Variants in GRAMD4 observed in about 807,000 individuals in gnomAD.
GRAMD4 encodes the protein GRAM domain-containing protein 4.
In GRAMD4, 25 loss-of-function variants were observed where a neutral mutation model predicts 83.9. The observed-to-expected ratio is 0.30, with a 90% CI of 0.22 to 0.42. The LOEUF is 0.42. GRAMD4 is among the 10% of genes least tolerant of loss of function. GRAMD4 has a pLI of 1.00. For synonymous variants in GRAMD4, 336 were observed against 320.9 expected, an observed-to-expected ratio of 1.05 and a Z score of -0.50; for missense variants, 593 against 788.7, an observed-to-expected ratio of 0.75 and a Z score of 2.97.
intron 3 of GRAMD4, among the ~76,000 whole-genome samples, chr22:46,647,378 G>A (rs1385658797): frequency 6.6e-6 from 1 of 152,196 alleles, no homozygotes; most frequent in African/African-American, 2.4e-5. Flanking sequence ...GTTTGGCCCT[G>A]GGATACTTCA....
At chr22:46,636,411 G>A (rs758536423) in intron 2 of GRAMD4, among the ~76,000 whole-genome samples, 2 of 152,238 alleles carry the variant, frequency 1.3e-5, no homozygotes, top group Admixed American at 1.3e-4. Flanking sequence ...CCCCAGCAGC[G>A]AGAGCAGCTG....
At chr22:46,682,545 C>T (rs1226017380), downstream of GRAMD4, 1 of 477,128 alleles carries the variant, frequency 2.1e-6, no homozygotes, top group Non-Finnish European at 2.7e-6. Flanking sequence ...GGCGCCCGCC[C>T]AGTGACGGCC....
intron 2 of GRAMD4, among the ~76,000 whole-genome samples, chr22:46,629,341 G>A (rs959446354): frequency 3.3e-5 from 5 of 152,222 alleles, no homozygotes; most frequent in South Asian, 2.1e-4. Context: ...TGAAACGTAC[G>A]TGGCTGGCGT....
chr22:46,664,269 G>A (rs1004398167), intron 8 of GRAMD4, 152 bp downstream of exon 8: 2 of 668,148 alleles, frequency 3.0e-6, no homozygotes, highest in African/African-American at 1.8e-5. Context: ...TCTGTAAAGT[G>A]GGCTCACTGA....
In GRAMD4 at chr22:46,622,622, G is replaced by C. The variant is rs996248236; in HGVS notation, c.-50+2057G>C. ...GCCACGGAGCTGCACGCTAAAAACT[G>C]GTGAAGTTGGGCTGAGCACGGCGGC... On this transcript the variant is annotated intron_variant, in intron 1 of 18. Transcript: ENST00000406902. This position sits in a 1 kb window ranked among gnomAD's most constrained non-coding sequence, Gnocchi z 4.0. Among the ~76,000 whole-genome samples, 1 of 152,230 alleles carries C rather than the reference G, an allele frequency of 6.6e-6. No homozygotes were observed.
upstream of GRAMD4, among the ~76,000 whole-genome samples, chr22:46,615,595 CCG>C (rs2147109445): frequency 1.7e-5 from 2 of 116,786 alleles, no homozygotes; most frequent in East Asian, 2.8e-4. Flanking sequence ...GTAGGTTCCC[CCG>C]TGTGTAGGTT....
intron 1 of GRAMD4, among the ~76,000 whole-genome samples, chr22:46,609,888 G>A (rs1377272096): frequency 2.6e-5 from 4 of 152,206 alleles, no homozygotes; most frequent in Non-Finnish European, 4.4e-5. Context: ...GGGGCGGCCC[G>A]GCTGCTGGTA....
chr22:46,623,784 C>A (rs1435873555), intron 1 of GRAMD4, among the ~76,000 whole-genome samples: 1 of 133,366 alleles, frequency 7.5e-6, no homozygotes, highest in Non-Finnish European at 1.6e-5. Flanking sequence ...GTCAAGCTGC[C>A]TTTTTTTTTT....
intron 3 of GRAMD4, among the ~76,000 whole-genome samples, chr22:46,644,235 C>T (rs2082031885): frequency 6.6e-6 from 1 of 152,184 alleles, no homozygotes; most frequent in Non-Finnish European, 1.5e-5. Context: ...TGTCCCTGTT[C>T]CGTGTTACAA....
chr22:46,590,470 G>A (rs2081195885), intron 1 of GRAMD4, among the ~76,000 whole-genome samples: 2 of 152,252 alleles, frequency 1.3e-5, no homozygotes, highest in African/African-American at 4.8e-5. Flanking sequence ...GCGTCCCAAG[G>A]AGGAGGTGAC....
chr22:46,646,816 G>A (rs1224639785), intron 3 of GRAMD4, among the ~76,000 whole-genome samples: 4 of 152,338 alleles, frequency 2.6e-5, no homozygotes, highest in Admixed American at 6.5e-5. Context: ...AAACAAAAGC[G>A]GTTTAATGGA....
At chr22:46,648,903 G>C (rs867508852) in intron 3 of GRAMD4, among the ~76,000 whole-genome samples, 81 of 130,754 alleles carry the variant, frequency 6.2e-4, no homozygotes, top group Non-Finnish European at 8.2e-4. Flanking sequence ...TGGATGCATG[G>C]ATGGATGGAT....
At chr22:46,607,936 C>T (rs1031719852) in intron 1 of GRAMD4, among the ~76,000 whole-genome samples, 2 of 152,176 alleles carry the variant, frequency 1.3e-5, no homozygotes, top group Non-Finnish European at 1.5e-5. Context: ...GGGCTGGTGC[C>T]GGCTGCCCCC....
intron 1 of GRAMD4, among the ~76,000 whole-genome samples, chr22:46,592,772 C>T (rs1266987464): frequency 6.6e-6 from 1 of 151,866 alleles, no homozygotes; most frequent in African/African-American, 2.4e-5. Context: ...CAGGATGTGG[C>T]CGGCATCGTG....
At position 46,673,750 on chromosome 22, in the gene GRAMD4, C is replaced by T. The variant is rs1212194192; in HGVS notation, c.1320C>T (p.His440=). ...AAGAGGAGGACGCCGGTCGCTTCCA[C>T]AGCACCAAGAAGGGCAATTTCCACG... ...LGKEEDAGRF[H]STKKGNFHEI... is the part of the protein sequence containing the mutation. The change falls in exon 15 of 19, where the codon CAC becomes CAT. Residue 440 remains histidine (H), a synonymous_variant. Coordinates refer to ENST00000406902, the MANE Select transcript of GRAMD4 (RefSeq NM_015124.5). 1.2e-6 allele frequency: 2 copies of T among 1,613,088 alleles called. No individual in the cohort carries two copies. Among genetic ancestry groups the T allele is most frequent in the Non-Finnish European group, 1.7e-6 (2 of 1,179,936 alleles).
intron 1 of GRAMD4, among the ~76,000 whole-genome samples, chr22:46,598,196 G>A (rs897615781): frequency 1.3e-5 from 2 of 151,952 alleles, no homozygotes; most frequent in African/African-American, 4.8e-5. Context: ...TGGCCAGGCT[G>A]GTCTCAAACT....
At chr22:46,579,449 G>C (rs2081076564) in intron 1 of GRAMD4, among the ~76,000 whole-genome samples, 1 of 152,216 alleles carries the variant, frequency 6.6e-6, no homozygotes. Context: ...AGTGTTATTG[G>C]AGCCTAGTGA....
At chr22:46,593,199 A>G (rs2081227317) in intron 1 of GRAMD4, among the ~76,000 whole-genome samples, 1 of 152,076 alleles carries the variant, frequency 6.6e-6, no homozygotes. Context: ...ATTGTACTGA[A>G]ACGTTTAAAA....
chr22:46,577,086 G>T (rs1198177020), upstream of GRAMD4: 1 of 150,846 alleles, frequency 6.6e-6, no homozygotes, highest in Non-Finnish European at 1.4e-5. Flanking sequence ...CCGGGGGCGC[G>T]CAGACTCCGC....
Sources: gnomAD v4.1 joint callset for allele counts (sites outside exome capture counted in the v4.1 genomes callset) on GRCh38, gnomAD v4.1.1 for gene constraint, Gnocchi (gnomAD v3.1) non-coding constraint, MANE v1.5 for transcripts, NCBI Gene and HGNC (gene_info 2026-07-23, HGNC 2026-07-21) for gene names.